LYPLAL1: variants seen among roughly 807,000 people sequenced by gnomAD.
The protein encoded by LYPLAL1 is lysophospholipase like 1, also known as lysophospholipase-like protein 1.
LYPLAL1 carries 23 observed loss-of-function variants against 19.7 expected under a neutral mutation model. The ratio of observed to expected loss-of-function variants is 1.17; its 90% CI spans 0.84 to 1.65. The LOEUF is 1.65. Among genes scored for constraint, LYPLAL1 ranks in the 40% most tolerant of loss-of-function variants. The probability of loss-of-function intolerance (pLI) is 0.00; values close to 1 mark genes in which losing one functional copy is unlikely to be tolerated. For synonymous variants in LYPLAL1, 119 were observed against 96.3 expected (o/e 1.24, Z -1.38); for missense variants, 355 against 279.4 (o/e 1.27, Z -1.93).
the LYPLAL1 span, among the ~76,000 whole-genome samples, chr1:219,279,356 A>T: frequency 6.6e-6 from 1 of 152,310 alleles, no homozygotes; most frequent in East Asian, 1.9e-4. Flanking sequence ...CAGGTAATGG[A>T]TCCAATGCCC....
chr1:219,427,436 T>C, the LYPLAL1 span, among the ~76,000 whole-genome samples: 1 of 152,370 alleles, frequency 6.6e-6, no homozygotes, highest in African/African-American at 2.4e-5. Flanking sequence ...GTATATTGTA[T>C]ATGCAGTCAT....
the LYPLAL1 span, among the ~76,000 whole-genome samples, chr1:219,335,220 A>G: frequency 2.4e-4 from 36 of 152,054 alleles, no homozygotes; most frequent in African/African-American, 7.2e-4. Context: ...TGTATCTTGA[A>G]TCAATTCCAT....
chr1:219,241,132 C>A, the LYPLAL1 span, among the ~76,000 whole-genome samples: 3,182 of 56,836 alleles, frequency 0.056, 55 homozygotes, highest in Middle Eastern at 0.073. Flanking sequence ...CTCTCTCTCT[C>A]TCTATATATA....
chr1:219,430,187 C>T, the LYPLAL1 span, among the ~76,000 whole-genome samples: 9 of 149,436 alleles, frequency 6.0e-5, no homozygotes, highest in African/African-American at 2.2e-4. Context: ...TTAGCTACTC[C>T]AGAGGCTGAG....
At chr1:219,396,694 T>G in the LYPLAL1 span, among the ~76,000 whole-genome samples, 1 of 152,214 alleles carries the variant, frequency 6.6e-6, no homozygotes, top group Non-Finnish European at 1.5e-5. Context: ...GTGGCAATTT[T>G]GAATGAAATT....
chr1:219,255,896 A>T, the LYPLAL1 span, among the ~76,000 whole-genome samples: 2 of 151,898 alleles, frequency 1.3e-5, no homozygotes, highest in Non-Finnish European at 2.9e-5. Flanking sequence ...GTGTGATGTT[A>T]CATTGATTGA....
chr1:219,395,943 A>G, the LYPLAL1 span, among the ~76,000 whole-genome samples: 1 of 152,036 alleles, frequency 6.6e-6, no homozygotes, highest in African/African-American at 2.4e-5. Flanking sequence ...CTCTACTAAA[A>G]ATACAAAAAA....
At chr1:219,343,061 CCCAAGT>C in the LYPLAL1 span, among the ~76,000 whole-genome samples, 26 of 152,304 alleles carry the variant, frequency 1.7e-4, no homozygotes, top group South Asian at 3.1e-3. Flanking sequence ...TGGGCTTCAG[CCCAAGT>C]CCGACAACTT....
At chr1:219,267,656 A>C in the LYPLAL1 span, among the ~76,000 whole-genome samples, 1 of 152,182 alleles carries the variant, frequency 6.6e-6, no homozygotes, top group Non-Finnish European at 1.5e-5. Context: ...TTATTCATTC[A>C]CTAAATATTT....
chr1:219,174,970 A>G (rs2125009899), intron 1 of LYPLAL1: 1 of 985,506 alleles, frequency 1.0e-6, no homozygotes, highest in Middle Eastern at 5.2e-4. Flanking sequence ...CATTTGGAAG[A>G]TGAAAAGCTT....
At chr1:219,303,354 T>C in the LYPLAL1 span, among the ~76,000 whole-genome samples, 1 of 152,196 alleles carries the variant, frequency 6.6e-6, no homozygotes, top group Non-Finnish European at 1.5e-5. Flanking sequence ...CAAATGTAGA[T>C]TAATAAATAA....
At chr1:219,429,025 G>C in the LYPLAL1 span, among the ~76,000 whole-genome samples, 1 of 152,176 alleles carries the variant, frequency 6.6e-6, no homozygotes, top group African/African-American at 2.4e-5. Context: ...CAGATTTGCT[G>C]AGAATTGTGC....
the LYPLAL1 span, among the ~76,000 whole-genome samples, chr1:219,360,548 T>C: frequency 3.3e-5 from 5 of 152,162 alleles, no homozygotes; most frequent in Non-Finnish European, 1.5e-5. Flanking sequence ...GAAAAGTCCC[T>C]GGTAGAGAGT....
At chr1:219,255,779 TAA>T in the LYPLAL1 span, among the ~76,000 whole-genome samples, 1 of 151,966 alleles carries the variant, frequency 6.6e-6, no homozygotes, top group African/African-American at 2.4e-5. Context: ...TCCTAGAATC[TAA>T]GAGTATTTAT....
chr1:219,272,078 C>A, the LYPLAL1 span: 1 of 152,228 alleles, frequency 6.6e-6, no homozygotes, highest in Non-Finnish European at 1.5e-5. Flanking sequence ...TCAGGGAGAT[C>A]CTGGAAACGA....
intron 2 of LYPLAL1, among the ~76,000 whole-genome samples, chr1:219,180,090 A>G (rs1299601212): frequency 6.6e-6 from 1 of 151,946 alleles, no homozygotes; most frequent in Non-Finnish European, 1.5e-5. Flanking sequence ...TTTGCCTCCC[A>G]AGTTCAAAGG....
At chr1:219,332,556 C>T in the LYPLAL1 span, among the ~76,000 whole-genome samples, 2 of 152,074 alleles carry the variant, frequency 1.3e-5, no homozygotes, top group African/African-American at 4.8e-5. Flanking sequence ...GAAACAACTT[C>T]TCATTGGAAT....
At chr1:219,348,259 T>C in the LYPLAL1 span, among the ~76,000 whole-genome samples, 1 of 152,196 alleles carries the variant, frequency 6.6e-6, no homozygotes, top group African/African-American at 2.4e-5. Flanking sequence ...CCAGTGGTCA[T>C]TTCCAGCAGC....
At chr1:219,351,268 A>G in the LYPLAL1 span, among the ~76,000 whole-genome samples, 1 of 152,192 alleles carries the variant, frequency 6.6e-6, no homozygotes, top group Admixed American at 6.5e-5. Flanking sequence ...TCATTTGCAG[A>G]TATCCTGCTG....
Sources: gnomAD v4.1 joint callset for allele counts (sites outside exome capture counted in the v4.1 genomes callset) on GRCh38, gnomAD v4.1.1 for gene constraint, MANE v1.5 for transcripts, NCBI Gene and HGNC (gene_info 2026-07-23, HGNC 2026-07-21) for gene names.